The following HECW2 variants were observed in gnomAD, a reference collection of about 807,000 sequenced individuals.
HECW2 encodes the protein HECT, C2 and WW domain containing E3 ubiquitin protein ligase 2, also known as E3 ubiquitin-protein ligase HECW2.
In HECW2, 61 loss-of-function variants were observed where a neutral mutation model predicts 175.2. That is an observed-to-expected ratio of 0.35 (90% CI 0.28 to 0.43). HECW2 has a LOEUF of 0.43. HECW2 is among the 20% of genes least tolerant of loss of function. The pLI, the probability that HECW2 is intolerant of heterozygous loss-of-function variation, is 1.00. For missense variants in HECW2, 1,524 were observed against 2,000.5 expected, an observed-to-expected ratio of 0.76 and a Z score of 4.54; for synonymous variants, 671 against 731.0, an observed-to-expected ratio of 0.92 and a Z score of 1.32.
intron 1 of HECW2, among the ~76,000 whole-genome samples, chr2:196,447,933 C>G (rs1696234785): frequency 6.6e-6 from 1 of 152,108 alleles, no homozygotes; most frequent in Admixed American, 6.5e-5. Flanking sequence ...GTGGCGCACA[C>G]CTGTAGTCCC....
intron 2 of HECW2, among the ~76,000 whole-genome samples, chr2:196,353,117 C>CT (rs1373510057): frequency 6.6e-6 from 1 of 152,158 alleles, no homozygotes; most frequent in Non-Finnish European, 1.5e-5. Flanking sequence ...TCCTTACCCC[C>CT]TTCCAGCCAC....
chr2:196,307,052 G>C (rs1691291504), intron 12 of HECW2, 78 bp downstream of exon 12: 1 of 993,182 alleles, frequency 1.0e-6, no homozygotes, highest in African/African-American at 1.6e-5. Context: ...CAAAAGAAAA[G>C]CCTTACTTGT....
intron 17 of HECW2, among the ~76,000 whole-genome samples, chr2:196,258,320 T>C (rs936940127): frequency 6.6e-6 from 1 of 152,226 alleles, no homozygotes; most frequent in African/African-American, 2.4e-5. Flanking sequence ...TCTATTTTCC[T>C]GAGGCCATAC....
At chr2:196,347,007 C>A (rs1233572480) in intron 2 of HECW2, among the ~76,000 whole-genome samples, 218 of 129,920 alleles carry the variant, frequency 1.7e-3, no homozygotes, top group African/African-American at 3.5e-3. Flanking sequence ...GACTCCGTCT[C>A]AAAAAAAAAA....
chr2:196,319,874 A>G lies in HECW2; in HGVS notation c.1016T>C (p.Leu339Pro), dbSNP rs1444947931. ...GTCTCCATTCACAGAATTGACTCCA[A>G]GTATTGTGCCAACAGCTTCTGGAGA... ...DASPEAVGTI[L>P]GVNSVNGDLG... The change falls in exon 9 of 29, where the codon CTT becomes CCT. Residue 339 changes from leucine (L) to proline (P), a missense_variant. This residue lies in a region of HECW2 where 604 missense variants were observed against 588.3 expected (regional missense o/e 1.03). Transcript: ENST00000644978. 1.9e-6 allele frequency: 3 copies of G among 1,610,422 alleles called. No individual in the cohort carries two copies. In the South Asian group the frequency reaches 3.3e-5, roughly 18 times the overall value.
At chr2:196,406,234 G>A (rs1694963192) in intron 2 of HECW2, among the ~76,000 whole-genome samples, 1 of 152,042 alleles carries the variant, frequency 6.6e-6, no homozygotes, top group African/African-American at 2.4e-5. Context: ...ATTTCACAGG[G>A]TCAAAACAAT....
intron 6 of HECW2, among the ~76,000 whole-genome samples, chr2:196,324,521 A>C (rs900399248): frequency 5.9e-5 from 9 of 152,170 alleles, no homozygotes; most frequent in Non-Finnish European, 1.3e-4. Context: ...GCAGAGAGAG[A>C]AATTCCTTTA....
intron 1 of HECW2, among the ~76,000 whole-genome samples, chr2:196,521,282 CAAAAAAAAAA>C (rs1158051512): frequency 5.6e-5 from 3 of 53,694 alleles, no homozygotes; most frequent in Non-Finnish European, 1.2e-4. Flanking sequence ...ACGTGAGTAA[CAAAAAAAAAA>C]AAAAAAAAAA....
Position 196,271,286 on chromosome 2 carries a change from T to A in HECW2, c.3242A>T (p.Tyr1081Phe). Reference protein sequence around the residue: ...PQYQDMVPVAYNDKIVAFLRQ... With the variant: ...PQYQDMVPVAFNDKIVAFLRQ... ...TAGAAATGCAACAATCTTGTCATTG[T>A]AAGCTGAAAAAAAAATCAGAAAAGA... Residue 1081 changes from tyrosine to phenylalanine, a missense_variant, in exon 17 of 29, where the codon TAC (tyrosine) becomes TTC (phenylalanine). Around this residue, in one of 11 missense-constraint regions of HECW2, gnomAD observed 291 missense variants for 412.2 expected, o/e 0.71. Transcript: ENST00000644978. 1 of 1,592,302 alleles carries A rather than the reference T, an allele frequency of 6.3e-7. No homozygotes were observed. The highest frequency in any genetic ancestry group is 8.6e-7 in the Non-Finnish European group (1 of 1,162,652).
chr2:196,271,044 C>T, intron 17 of HECW2, 149 bp downstream of exon 17: 1 of 612,150 alleles, frequency 1.6e-6, no homozygotes, highest in Non-Finnish European at 2.9e-6. Flanking sequence ...ACTACAATAC[C>T]TGGTGATGAT....
At chr2:196,268,846 A>G (rs537469982) in intron 17 of HECW2, among the ~76,000 whole-genome samples, 1 of 152,342 alleles carries the variant, frequency 6.6e-6, no homozygotes, top group South Asian at 2.1e-4. Flanking sequence ...TTTGAGGTCT[A>G]GGATTGCTAA....
At chr2:196,588,477 A>G (rs1401765) in intron 1 of HECW2, among the ~76,000 whole-genome samples, 123,946 of 152,174 alleles carry the variant, frequency 0.81, 50,835 homozygotes, top group East Asian at 0.96. Flanking sequence ...AGACAAGGTC[A>G]GGAGATGATT....
At chr2:196,260,648 C>G (rs764956358) in intron 17 of HECW2, 1 of 152,150 alleles carries the variant, frequency 6.6e-6, no homozygotes, top group African/African-American at 2.4e-5. Flanking sequence ...AGTCCTTTCA[C>G]GTAGAAACAA....
intron 11 of HECW2, among the ~76,000 whole-genome samples, chr2:196,307,601 T>C (rs1374085408): frequency 4.6e-5 from 7 of 152,098 alleles, no homozygotes; most frequent in Admixed American, 3.9e-4. Context: ...AAGCCACAAA[T>C]AAAGATTCTA....
intron 28 of HECW2, among the ~76,000 whole-genome samples, chr2:196,209,538 G>T (rs1165451730): frequency 6.6e-6 from 1 of 152,172 alleles, no homozygotes; most frequent in Non-Finnish European, 1.5e-5. Context: ...GAGGGGAAAG[G>T]AGTTGAAGAG....
At chr2:196,573,705 G>A (rs11892321) in intron 1 of HECW2, among the ~76,000 whole-genome samples, 20,566 of 152,092 alleles carry the variant, frequency 0.14, 1,449 homozygotes, top group Middle Eastern at 0.22. Flanking sequence ...CGGATGCCTC[G>A]GCAGCAATAC....
At chr2:196,455,841 C>T (rs1696492963) in intron 1 of HECW2, among the ~76,000 whole-genome samples, 1 of 151,722 alleles carries the variant, frequency 6.6e-6, no homozygotes. Flanking sequence ...TGTACAATAA[C>T]CCAAAATCAA....
intron 14 of HECW2, among the ~76,000 whole-genome samples, chr2:196,280,388 G>T (rs1437118863): frequency 1.3e-5 from 2 of 152,180 alleles, no homozygotes; most frequent in South Asian, 2.1e-4. Context: ...GGAACAGAAT[G>T]TTTCATATGG....
intron 28 of HECW2, among the ~76,000 whole-genome samples, chr2:196,210,249 GA>G (rs1687227256): frequency 6.6e-6 from 1 of 150,888 alleles, no homozygotes; most frequent in Non-Finnish European, 1.5e-5. Context: ...GTGATAAACG[GA>G]ATGTTGTTTT....
Sources: gnomAD v4.1 joint callset for allele counts (sites outside exome capture counted in the v4.1 genomes callset) on GRCh38, gnomAD v4.1.1 for gene constraint, gnomAD v4.1.1 regional missense constraint, MANE v1.5 for transcripts, NCBI Gene and HGNC (gene_info 2026-07-23, HGNC 2026-07-21) for gene names.